The following SRGAP2 variants were observed in gnomAD, a reference collection of about 807,000 sequenced individuals.
SRGAP2 encodes the protein SLIT-ROBO Rho GTPase-activating protein 2.
SRGAP2 carries 15 observed loss-of-function variants against 57.2 expected under a neutral mutation model. That is an observed-to-expected ratio of 0.26 (90% CI 0.18 to 0.40). The LOEUF is 0.40. Ranked by LOEUF, SRGAP2 falls within the 10% of genes least tolerant of loss-of-function variation. SRGAP2 has a pLI of 1.00. For missense variants in SRGAP2, 520 were observed against 669.6 expected (o/e 0.78, Z 2.47); for synonymous variants, 249 against 248.0 (o/e 1.00, Z -0.04).
rs191934195 is a variant in SRGAP2, at chr1:206,454,451, C to G, written c.2361-427C>G. 1 of 486,962 alleles carries G rather than the reference C, an allele frequency of 2.1e-6. No homozygotes were observed. The highest frequency in any genetic ancestry group is 3.6e-6 in the Non-Finnish European group (1 of 274,758). 30.2% of individuals were successfully genotyped at this position (486,962 alleles called of 1,614,324 possible). On this transcript the variant is annotated intron_variant, in intron 20 of 22. Transcript: ENST00000573034. This position sits in a 1 kb window ranked among gnomAD's most constrained non-coding sequence, Gnocchi z 4.3. The stretch of plus-strand genomic sequence containing the variant: ...GTGTGGCGGTGTCCTGCCACGACGC[C>G]GCCGTCTCCAGAGCCACCACACAGT...
At chr1:206,460,059 G>A (rs1664135328) in intron 22 of SRGAP2, among the ~76,000 whole-genome samples, 1 of 152,222 alleles carries the variant, frequency 6.6e-6, no homozygotes. Context: ...GTTTGAGAAT[G>A]TCATAGGGAT....
chr1:206,382,676 A>G (rs1222488588), intron 4 of SRGAP2, among the ~76,000 whole-genome samples: 2 of 151,874 alleles, frequency 1.3e-5, no homozygotes, highest in African/African-American at 2.4e-5. Context: ...TACTTTTGTA[A>G]TCAGAAAAAA....
At chr1:206,277,921 G>A (rs1670510964) in intron 2 of SRGAP2, among the ~76,000 whole-genome samples, 1 of 151,850 alleles carries the variant, frequency 6.6e-6, no homozygotes. Context: ...AGGGTTTGCA[G>A]TGAGCCAAGA....
At chr1:206,436,290 A>G (rs1276517654) in intron 14 of SRGAP2, among the ~76,000 whole-genome samples, 4 of 152,070 alleles carry the variant, frequency 2.6e-5, no homozygotes, top group Non-Finnish European at 4.4e-5. Flanking sequence ...AAGCAATATT[A>G]TAATCTCAGA....
At chr1:206,440,805 A>G (rs556305441) in intron 17 of SRGAP2, among the ~76,000 whole-genome samples, 95 of 152,346 alleles carry the variant, frequency 6.2e-4, no homozygotes, top group Non-Finnish European at 3.8e-4. Context: ...TCAGCCTCCC[A>G]AAGTGCTGGG....
intron 13 of SRGAP2, among the ~76,000 whole-genome samples, chr1:206,429,678 G>A (rs1553367625): frequency 6.6e-6 from 1 of 152,242 alleles, no homozygotes; most frequent in East Asian, 1.9e-4. Flanking sequence ...GTGTAAGAGA[G>A]TAATGAGAGG....
intron 10 of SRGAP2, among the ~76,000 whole-genome samples, chr1:206,409,780 T>TA (rs113368415): frequency 1.3e-3 from 131 of 103,990 alleles, no homozygotes; most frequent in Non-Finnish European, 1.6e-3. Context: ...AGACTCTGCC[T>TA]AAAAAAAAAA....
chr1:206,310,375 G>A (rs1192107681), intron 3 of SRGAP2, among the ~76,000 whole-genome samples: 1 of 151,918 alleles, frequency 6.6e-6, no homozygotes, highest in Non-Finnish European at 1.5e-5. Context: ...ACAGTTTTAT[G>A]TGGGGTAGGT....
In SRGAP2 at chr1:206,449,296, T is replaced by TC. The variant is rs1373830331; in HGVS notation, c.2100-1090_2100-1089insC. On this transcript the variant is annotated intron_variant, in intron 18 of 22. Coordinates refer to ENST00000573034, the MANE Select transcript of SRGAP2 (RefSeq NM_015326.5). ...TCCTTACACTGGATGATTTTTTTTT[T>TC]TTTTTTTTTTTTTTAGACAGGATCT... Among the ~76,000 whole-genome samples the TC allele has an allele frequency of 2.0e-5, 3 of 149,274 alleles. No individual in the cohort carries two copies. In the East Asian group the frequency reaches 5.9e-4, roughly 29 times the overall value.
chr1:206,333,815 C>T (rs2102885671), intron 3 of SRGAP2, among the ~76,000 whole-genome samples: 1 of 152,344 alleles, frequency 6.6e-6, no homozygotes, highest in African/African-American at 2.4e-5. Context: ...AAGCATAGTT[C>T]AAGGCGCTTT....
At chr1:206,450,498 G>A (rs782599293) in intron 19 of SRGAP2, 33 bp downstream of exon 19, 8 of 779,230 alleles carry the variant, frequency 1.0e-5, no homozygotes, top group East Asian at 2.4e-5. Context: ...CAGTGGGGAC[G>A]CCAGGGGTGA....
intron 5 of SRGAP2, among the ~76,000 whole-genome samples, chr1:206,384,292 C>T (rs1350278757): frequency 1.3e-5 from 2 of 151,290 alleles, no homozygotes; most frequent in Admixed American, 1.3e-4. Context: ...TTCTCCTCAG[C>T]TATGCAAGCT....
intron 17 of SRGAP2, among the ~76,000 whole-genome samples, chr1:206,442,165 A>G (rs1662364153): frequency 2.0e-5 from 3 of 152,164 alleles, no homozygotes; most frequent in Admixed American, 6.5e-5. Context: ...CACCCACACT[A>G]TCATGTAGCC....
chr1:206,437,028 A>G lies in SRGAP2; in HGVS notation c.1619A>G (p.Asn540Ser). 1 of 780,768 alleles carries G rather than the reference A, an allele frequency of 1.3e-6. No individual in the cohort carries two copies. The highest frequency in any genetic ancestry group is 1.7e-5 in the Admixed American group (1 of 59,034). 48.4% of individuals were successfully genotyped at this position (780,768 alleles called of 1,614,324 possible). ...CAGGTGGAAGTGAATGACATCAAAA[A>G]TGCCTTTGAGAGAGGTAAGGAAACA... ...GSQVEVNDIK[N>S]AFERGEDPLA... Residue 540 changes from asparagine to serine, a missense_variant, in exon 15 of 23, where the codon AAT becomes AGT. This residue lies in a region of SRGAP2 where 478 missense variants were observed against 373.6 expected (regional missense o/e 1.28). Coordinates refer to ENST00000573034, the MANE Select transcript of SRGAP2 (RefSeq NM_015326.5).
intron 4 of SRGAP2, among the ~76,000 whole-genome samples, chr1:206,365,594 C>T (rs532444500): frequency 8.4e-5 from 11 of 131,452 alleles, no homozygotes; most frequent in African/African-American, 3.6e-4. Flanking sequence ...CCTTCTGGCC[C>T]GTAATACTCA....
At chr1:206,377,180 G>A (rs1655283390) in intron 4 of SRGAP2, among the ~76,000 whole-genome samples, 3 of 152,136 alleles carry the variant, frequency 2.0e-5, no homozygotes. Flanking sequence ...TTCCAGAAGA[G>A]GAATCCTGAA....
intron 2 of SRGAP2, among the ~76,000 whole-genome samples, chr1:206,249,648 TG>T (rs1443011381): frequency 2.0e-5 from 3 of 150,492 alleles, no homozygotes; most frequent in Admixed American, 2.0e-4. Flanking sequence ...ATGTAGATTA[TG>T]GGTTGATGGG....
chr1:206,366,367 A>G (rs1308531469), intron 4 of SRGAP2, among the ~76,000 whole-genome samples: 6 of 152,246 alleles, frequency 3.9e-5, no homozygotes, highest in Non-Finnish European at 8.8e-5. Flanking sequence ...GGGGGTGGAG[A>G]GAAAGGCACA....
At chr1:206,254,796 C>G (rs1457845911) in intron 2 of SRGAP2, among the ~76,000 whole-genome samples, 15 of 151,466 alleles carry the variant, frequency 9.9e-5, no homozygotes, top group Admixed American at 2.6e-4. Context: ...TGCTTATAGC[C>G]AGTAGAAGCT....
Sources: allele counts gnomAD v4.1 joint callset (sites outside exome capture counted in the v4.1 genomes callset), GRCh38; gene constraint gnomAD v4.1.1; regional missense constraint gnomAD v4.1.1; non-coding constraint Gnocchi (gnomAD v3.1); transcripts MANE v1.5; gene names NCBI Gene and HGNC (gene_info 2026-07-23, HGNC 2026-07-21).